FER: variants seen among roughly 807,000 people sequenced by gnomAD.
The protein encoded by FER is FER tyrosine kinase.
A neutral mutation model predicts 111.0 loss-of-function variants in FER; 63 were observed. That is an observed-to-expected ratio of 0.57 (90% CI 0.46 to 0.70). The LOEUF (loss-of-function observed/expected upper bound fraction) is 0.70. FER is among the 30% of genes least tolerant of loss of function. FER has a pLI of 0.00. For missense variants in FER, 914 were observed against 954.0 expected (o/e 0.96, Z 0.55); for synonymous variants, 327 against 313.9 (o/e 1.04, Z -0.44).
intron 8 of FER, among the ~76,000 whole-genome samples, chr5:108,879,736 G>A (rs951123637): frequency 4.1e-5 from 4 of 97,892 alleles, no homozygotes; most frequent in Admixed American, 9.8e-5. Flanking sequence ...TTGAGGCAAA[G>A]TCTCACTCTG....
intron 14 of FER, 146 bp downstream of exon 14, chr5:109,037,624 A>G (rs1487008280): frequency 3.6e-6 from 2 of 562,726 alleles, no homozygotes; most frequent in African/African-American, 1.9e-5. Context: ...TCTTCTCAAT[A>G]TTGTGATGCT....
intron 8 of FER, among the ~76,000 whole-genome samples, chr5:108,874,776 T>G (rs906226506): frequency 3.1e-4 from 47 of 152,182 alleles, no homozygotes; most frequent in African/African-American, 1.1e-3. Flanking sequence ...GAAATACAAA[T>G]TACCAATAGT....
At chr5:109,025,649 A>G (rs1768610341) in intron 13 of FER, among the ~76,000 whole-genome samples, 1 of 151,578 alleles carries the variant, frequency 6.6e-6, no homozygotes, top group African/African-American at 2.4e-5. Flanking sequence ...CAGAACTTCC[A>G]ACACTATGTT....
chr5:108,763,476 G>C (rs1751985610), intron 1 of FER, among the ~76,000 whole-genome samples: 1 of 152,268 alleles, frequency 6.6e-6, no homozygotes, highest in Non-Finnish European at 1.5e-5. Flanking sequence ...GCTTGTATAG[G>C]GTGTTGGCAC....
intron 17 of FER, among the ~76,000 whole-genome samples, chr5:109,175,329 G>A (rs756046464): frequency 1.3e-5 from 2 of 152,004 alleles, no homozygotes; most frequent in African/African-American, 2.4e-5. Flanking sequence ...TCATGTTGTA[G>A]GTACAATTAT....
chr5:109,149,735 C>G (rs138511727), intron 17 of FER, among the ~76,000 whole-genome samples: 21 of 152,192 alleles, frequency 1.4e-4, no homozygotes, highest in African/African-American at 4.8e-4. Flanking sequence ...AATAGGAAAA[C>G]AACAAAACCA....
intron 5 of FER, among the ~76,000 whole-genome samples, chr5:108,836,681 A>C (rs1478776017): frequency 2.0e-5 from 3 of 152,108 alleles, no homozygotes; most frequent in Non-Finnish European, 2.9e-5. Context: ...AAATGAAGTA[A>C]ACAGCTCCTC....
rs1339765976 is a variant in FER at position 108,798,496 on chromosome 5, AG to A, written c.207+108del. ...CATACTTAAGTCAGCATTCTAAAGC[AG>A]TGATTCCACAGTTTTACAGAGTATG... On this transcript the variant is annotated intron_variant, in intron 3 of 19. Coordinates refer to ENST00000281092, the MANE Select transcript of FER (RefSeq NM_005246.4). 8.3e-5 allele frequency: 72 copies of A among 872,640 alleles called. No homozygotes were observed. The African/African-American group carries it at 1.2e-3, about 14-fold the overall frequency. The allele number at this position is 872,640 out of a possible 1,614,324, so 54.1% of individuals were successfully genotyped here.
At chr5:108,860,442 T>C (rs1763407000) in intron 5 of FER, among the ~76,000 whole-genome samples, 1 of 152,220 alleles carries the variant, frequency 6.6e-6, no homozygotes, top group South Asian at 2.1e-4. Context: ...GAAACTAAAA[T>C]TTAGATTAAA....
chr5:108,969,031 C>A (rs1581442701), intron 13 of FER, among the ~76,000 whole-genome samples: 1 of 151,938 alleles, frequency 6.6e-6, no homozygotes, highest in South Asian at 2.1e-4. Context: ...AGTGTCTTGA[C>A]AAAGATGTGG....
At chr5:108,796,861 A>G (rs993302368) in intron 2 of FER, among the ~76,000 whole-genome samples, 1 of 151,728 alleles carries the variant, frequency 6.6e-6, no homozygotes, top group Admixed American at 6.6e-5. Context: ...TTGGTGCTCT[A>G]CCCCACTGTG....
At chr5:108,865,553 G>T (rs1411611776) in intron 5 of FER, among the ~76,000 whole-genome samples, 1 of 152,138 alleles carries the variant, frequency 6.6e-6, no homozygotes, top group African/African-American at 2.4e-5. Flanking sequence ...AACACCAAAA[G>T]CAATGGCAAC....
chr5:109,105,744 A>G (rs961741556), intron 17 of FER, among the ~76,000 whole-genome samples: 1 of 152,200 alleles, frequency 6.6e-6, no homozygotes, highest in African/African-American at 2.4e-5. Context: ...TTCAAGTATT[A>G]GTAACCCTAA....
At chr5:109,001,436 A>C (rs181275380) in intron 13 of FER, among the ~76,000 whole-genome samples, 1,570 of 152,248 alleles carry the variant, frequency 0.01, 30 homozygotes, top group African/African-American at 0.035. Flanking sequence ...TTCAACAACC[A>C]TTCATGCTAA....
chr5:109,047,235 T>A, intron 16 of FER, 37 bp downstream of exon 16: 6 of 1,133,994 alleles, frequency 5.3e-6, no homozygotes, highest in Non-Finnish European at 7.9e-6. Flanking sequence ...GATGACATTT[T>A]AATGTCATGT....
intron 17 of FER, among the ~76,000 whole-genome samples, chr5:109,143,679 T>C (rs896687545): frequency 6.6e-6 from 1 of 150,584 alleles, no homozygotes; most frequent in Non-Finnish European, 1.5e-5. Flanking sequence ...ACTTGTTTAT[T>C]TTTTGTCTTC....
intron 10 of FER, among the ~76,000 whole-genome samples, chr5:108,916,342 G>C (rs1210066217): frequency 6.6e-6 from 1 of 152,046 alleles, no homozygotes; most frequent in Non-Finnish European, 1.5e-5. Flanking sequence ...GTACTTACTT[G>C]ATTCATTCCA....
intron 2 of FER, among the ~76,000 whole-genome samples, chr5:108,771,239 G>A (rs1752867093): frequency 6.6e-6 from 1 of 152,070 alleles, no homozygotes; most frequent in Admixed American, 6.6e-5. Context: ...CGGCCCCTCT[G>A]AAGAATTTTT....
intron 2 of FER, among the ~76,000 whole-genome samples, chr5:108,769,647 T>C (rs1186275777): frequency 6.6e-6 from 1 of 152,102 alleles, no homozygotes; most frequent in Non-Finnish European, 1.5e-5. Context: ...TTGTGTTTTT[T>C]TTAGACAGAA....
Sources: gnomAD v4.1 joint callset for allele counts (sites outside exome capture counted in the v4.1 genomes callset) on GRCh38, gnomAD v4.1.1 for gene constraint, MANE v1.5 for transcripts, NCBI Gene and HGNC (gene_info 2026-07-23, HGNC 2026-07-21) for gene names.